The following BBOF1 variants were observed in gnomAD, a reference collection of about 807,000 sequenced individuals.
BBOF1 encodes the protein basal body-orientation factor 1.
BBOF1 carries 62 observed loss-of-function variants against 68.0 expected under a neutral mutation model. That is an observed-to-expected ratio of 0.91 (90% confidence interval 0.74 to 1.13). The LOEUF is 1.13. Among genes scored for constraint, BBOF1 ranks in the 50% most tolerant of loss-of-function variants. BBOF1 has a pLI of 0.00. For synonymous variants in BBOF1, 208 were observed against 198.8 expected (o/e 1.05, Z -0.39); for missense variants, 534 against 600.1 (o/e 0.89, Z 1.15).
chr14:74,048,123 T>C (rs773198794), intron 7 of BBOF1, 49 bp downstream of exon 7: 1 of 1,572,820 alleles, frequency 6.4e-7, no homozygotes, highest in Non-Finnish European at 8.6e-7. Context: ...ATTTAAGGAT[T>C]GGGTTGGTAA....
chr14:74,026,528 T>C (rs1187587145), intron 2 of BBOF1, among the ~76,000 whole-genome samples: 1 of 151,946 alleles, frequency 6.6e-6, no homozygotes, highest in African/African-American at 2.4e-5. Context: ...TGGCCTTGTT[T>C]GAAGGGGCTT....
chr14:74,072,384 C>G, intron 9 of BBOF1: 1 of 1,614,122 alleles, frequency 6.2e-7, no homozygotes, highest in Non-Finnish European at 8.5e-7. Context: ...AAAATAAGCA[C>G]ATGATCCTTT....
At chr14:74,033,829 G>A (rs942328649) in intron 3 of BBOF1, among the ~76,000 whole-genome samples, 199 bp from the exon 4 acceptor site, 13 of 150,476 alleles carry the variant, frequency 8.6e-5, no homozygotes, top group South Asian at 2.1e-4. Context: ...TCGCGCCATC[G>A]CACTCCAGCC....
intron 3 of BBOF1, among the ~76,000 whole-genome samples, chr14:74,030,914 TCATAAA>T (rs1221120013): frequency 7.6e-6 from 1 of 130,884 alleles, no homozygotes; most frequent in African/African-American, 2.7e-5. Flanking sequence ...TAAAAAAAAG[TCATAAA>T]CATATATATA....
intron 8 of BBOF1, 150 bp from the exon 9 acceptor site, chr14:74,055,434 C>A: frequency 1.7e-6 from 1 of 586,274 alleles, no homozygotes; most frequent in Non-Finnish European, 3.0e-6. Context: ...CAGGTGTGAG[C>A]CACCGCGCCT....
At chr14:74,067,462 AAG>A, downstream of BBOF1, 1 of 1,614,204 alleles carries the variant, frequency 6.2e-7, no homozygotes, top group Non-Finnish European at 8.5e-7. Flanking sequence ...CTGCTGTTGA[AAG>A]AGCCATGCAG....
Position 74,040,573 on chromosome 14 carries a change from G to T in BBOF1, c.504G>T (p.Glu168Asp). 6.4e-7 allele frequency: 1 copy of T among 1,571,094 alleles called. No individual in the cohort carries two copies. Among genetic ancestry groups the T allele is most frequent in the Non-Finnish European group, 8.6e-7 (1 of 1,163,522 alleles). Residue 168 changes from glutamate to aspartate, a missense_variant, in exon 5 of 12, where the codon GAG becomes GAT. Coordinates refer to ENST00000394009, the MANE Select transcript of BBOF1 (RefSeq NM_025057.3). ...TGTTATTTTAATTTTAGCTGAAAGA[G>T]AATTTAAGAAACACAGAGCGGATAC... is the stretch of plus-strand genomic sequence containing the variant. Reference protein sequence around the residue: ...QVERELDDLKENLRNTERIHQ... With the variant: ...QVERELDDLKDNLRNTERIHQ...
intron 4 of BBOF1, among the ~76,000 whole-genome samples, chr14:74,036,461 T>C (rs1230500393): frequency 6.6e-6 from 1 of 152,000 alleles, no homozygotes; most frequent in African/African-American, 2.4e-5. Flanking sequence ...GGCAGGTGGA[T>C]CACCTGAGGT....
intron 2 of BBOF1, among the ~76,000 whole-genome samples, chr14:74,026,930 GA>G (rs111292368): frequency 1.5e-3 from 207 of 134,484 alleles, no homozygotes; most frequent in Admixed American, 2.2e-3. Context: ...ATCTCAAAAG[GA>G]AAAAAAAAAA....
chr14:74,052,380 C>G (rs1457803752), intron 8 of BBOF1, among the ~76,000 whole-genome samples: 1 of 151,728 alleles, frequency 6.6e-6, no homozygotes, highest in Non-Finnish European at 1.5e-5. Context: ...GGCGCAGTGG[C>G]TCACGCCTGT....
At chr14:74,064,193 G>C (rs1379075612) in intron 11 of BBOF1, among the ~76,000 whole-genome samples, 1 of 151,650 alleles carries the variant, frequency 6.6e-6, no homozygotes, top group African/African-American at 2.4e-5. Context: ...AGCTATTCGG[G>C]AGGCTGAGGC....
intron 4 of BBOF1, among the ~76,000 whole-genome samples, chr14:74,034,738 G>C (rs777229751): frequency 6.6e-6 from 1 of 152,152 alleles, no homozygotes; most frequent in Non-Finnish European, 1.5e-5. Flanking sequence ...TGTGACTATA[G>C]GCAAGTTACT....
At chr14:74,023,925 CA>C (rs780429164) in intron 2 of BBOF1, among the ~76,000 whole-genome samples, 122 of 46,816 alleles carry the variant, frequency 2.6e-3, no homozygotes, top group Admixed American at 4.6e-3. Flanking sequence ...GACTCCATCT[CA>C]AAAAAAAAAA....
rs556748108 is a variant in BBOF1, at chr14:74,077,557, G to A, written n.1380-639G>A. ...TGTGTGAAGAGGCAAAACTGGGGGG[G>A]TATCCTGGCTTTATAGCCCACTCAC... On this transcript the variant is annotated intron_variant and non_coding_transcript_variant, in intron 9 of 12. Transcript: ENST00000492026. 1.2e-4 allele frequency among the ~76,000 whole-genome samples: 19 copies of A among 152,224 alleles called. 1 individual carries two copies. In the South Asian group the frequency reaches 3.5e-3, roughly 28 times the overall value.
intron 10 of BBOF1, chr14:74,078,475 T>G (rs1304673633): frequency 7.6e-6 from 2 of 262,878 alleles, no homozygotes; most frequent in African/African-American, 4.6e-5. Flanking sequence ...TGCCTCAGCC[T>G]CCCAAATAGC....
At chr14:74,040,805 C>T (rs2059811445) in intron 5 of BBOF1, 160 bp downstream of exon 5, 1 of 551,758 alleles carries the variant, frequency 1.8e-6, no homozygotes, top group East Asian at 3.2e-5. Flanking sequence ...ATAAAACCTT[C>T]TAGAAATCTC....
At chr14:74,027,552 T>C (rs1483643496) in intron 2 of BBOF1, among the ~76,000 whole-genome samples, 1 of 151,986 alleles carries the variant, frequency 6.6e-6, no homozygotes, top group Non-Finnish European at 1.5e-5. Context: ...ATGAGGAGGA[T>C]AATTGCATAG....
At chr14:74,076,764 G>C (rs935435450) in intron 9 of BBOF1, among the ~76,000 whole-genome samples, 1 of 151,932 alleles carries the variant, frequency 6.6e-6, no homozygotes, top group African/African-American at 2.4e-5. Flanking sequence ...TGGCCTGGCT[G>C]GTCTCAAACT....
intron 9 of BBOF1, among the ~76,000 whole-genome samples, chr14:74,075,865 G>T (rs1008473772): frequency 1.3e-5 from 2 of 152,134 alleles, no homozygotes; most frequent in Non-Finnish European, 2.9e-5. Flanking sequence ...GGAAACTAAT[G>T]TGGTATATTC....
Sources: gnomAD v4.1 joint callset for allele counts (sites outside exome capture counted in the v4.1 genomes callset) on GRCh38, gnomAD v4.1.1 for gene constraint, MANE v1.5 for transcripts, NCBI Gene and HGNC (gene_info 2026-07-23, HGNC 2026-07-21) for gene names.